The following CHRNE variants were observed in gnomAD, a reference collection of about 807,000 sequenced individuals.
CHRNE encodes the protein cholinergic receptor nicotinic epsilon subunit.
Under a neutral mutation model 56.5 loss-of-function variants are expected in CHRNE, and 58 were observed. The observed-to-expected ratio is 1.03, with a 90% confidence interval of 0.83 to 1.28. The LOEUF (loss-of-function observed/expected upper bound fraction) is 1.28, where lower values mean the gene tolerates loss of function less well. Ranked by LOEUF, CHRNE falls within the 50% of genes most tolerant of loss-of-function variation. CHRNE has a pLI of 0.00. For synonymous variants in CHRNE, 385 were observed against 297.9 expected, an observed-to-expected ratio of 1.29 and a Z score of -3.01; for missense variants, 793 against 688.9, an observed-to-expected ratio of 1.15 and a Z score of -1.69.
chr17:4,899,238 G>A lies in CHRNE; in HGVS notation c.1179C>T (p.Leu393=), dbSNP rs1159106476. 5.0e-6 allele frequency: 8 copies of A among 1,607,008 alleles called. No individual in the cohort carries two copies. The highest frequency in any genetic ancestry group is 1.3e-5 in the African/African-American group (1 of 74,898). ...GCCGGTGCCTCTGCCCCTCAAACAC[G>A]AGCTCGCTCCGTGGCTTTTTCAGTA... The part of the protein sequence containing the change: ...ELILKKPRSE[L]VFEGQRHRQG... The change falls in exon 10 of 12, where the codon CTC becomes CTT. Residue 393 remains leucine, a synonymous_variant. Transcript: ENST00000649488.
At chr17:4,906,702 A>C (rs1382846625), upstream of CHRNE, among the ~76,000 whole-genome samples, 1 of 152,140 alleles carries the variant, frequency 6.6e-6, no homozygotes, top group Non-Finnish European at 1.5e-5. Context: ...AAATAAATAA[A>C]ATTTTAAAAA....
intron 6 of CHRNE, 40 bp from the exon 7 acceptor site, chr17:4,901,230 G>A (rs1476909666): frequency 1.3e-6 from 2 of 1,586,868 alleles, no homozygotes; most frequent in East Asian, 2.2e-5. Flanking sequence ...GTCAGAGCGG[G>A]GCGCCCGCCG....
intron 11 of CHRNE, 45 bp downstream of exon 11, chr17:4,898,956 G>C: frequency 1.3e-6 from 2 of 1,558,706 alleles, no homozygotes; most frequent in South Asian, 1.2e-5. Context: ...GGGAGACAGT[G>C]GTGGGCCTCT....
chr17:4,904,821 T>C (rs547993183), upstream of CHRNE, among the ~76,000 whole-genome samples: 11 of 152,336 alleles, frequency 7.2e-5, no homozygotes, highest in Non-Finnish European at 1.5e-4. Flanking sequence ...ACACATCAAA[T>C]AACAGAGTGT....
In CHRNE at chr17:4,900,918, AG is replaced by A; in HGVS notation, c.803-12del. Reference sequence around the variant, plus strand: ...ATTTCTGGCCGCCGGCTGGAGGGAGAGCCAGTGAGAGCGGGCCCCGCCTCCC... The same window carrying A: ...ATTTCTGGCCGCCGGCTGGAGGGAGACCAGTGAGAGCGGGCCCCGCCTCCC... On this transcript the variant is annotated splice_polypyrimidine_tract_variant and intron_variant, in intron 7 of 11. Transcript: ENST00000649488. 1 of 1,614,050 alleles carries A rather than the reference AG, an allele frequency of 6.2e-7. No individual in the cohort carries two copies. Among genetic ancestry groups the A allele is most frequent in the Admixed American group, 1.7e-5 (1 of 60,022 alleles).
At chr17:4,903,609 C>A (rs943785936), upstream of CHRNE, among the ~76,000 whole-genome samples, 6 of 152,152 alleles carry the variant, frequency 3.9e-5, no homozygotes, top group Admixed American at 3.9e-4. Flanking sequence ...GGGATTAGCC[C>A]TGCGGTACAG....
rs761651772 is a variant in CHRNE at position 4,898,868 on chromosome 17, C to T, written c.1350G>A (p.Met450Ile). The T allele has an allele frequency of 1.5e-5, 23 of 1,585,712 alleles. No individual in the cohort carries two copies. In the Middle Eastern group the frequency reaches 6.6e-4, roughly 46 times the overall value. Reference protein sequence around the residue: ...TGEEVSDWVRMGNALDNICFW... With the variant: ...TGEEVSDWVRIGNALDNICFW... ...AGCAGATGTTGTCAAGGGCATTCCC[C>T]ATGCGCACCCAGTCGGACACTTCCT... Residue 450 changes from methionine to isoleucine, a missense_variant, in exon 12 of 12, where the codon ATG becomes ATA. Coordinates refer to ENST00000649488, the MANE Select transcript of CHRNE (RefSeq NM_000080.4).
At position 4,897,921 on chromosome 17, in the gene CHRNE, C is replaced by G. The variant is rs1311602893; in HGVS notation, c.*815G>C. ...CGGTGGAGGGAGGGAGCAGGGAGCC[C>G]TCACTCTCCACGCCCCTTGCTTGCA... On this transcript the variant is annotated 3_prime_UTR_variant, in exon 12 of 12. Transcript: ENST00000649488. 1.3e-5 allele frequency: 2 copies of G among 152,234 alleles called. No homozygotes were observed. The highest frequency in any genetic ancestry group is 2.9e-5 in the Non-Finnish European group (2 of 68,178). 9.4% of individuals were successfully genotyped at this position (152,234 alleles called of 1,614,324 possible).
At chr17:4,901,824 G>A in intron 5 of CHRNE, 108 bp downstream of exon 5, 3 of 1,510,826 alleles carry the variant, frequency 2.0e-6, no homozygotes, top group Non-Finnish European at 2.7e-6. Flanking sequence ...GCCTGGCTCC[G>A]CCTCCAGCGC....
rs1453842961 is a variant in CHRNE at position 4,899,582 on chromosome 17, C to A, written c.918G>T (p.Arg306Ser). 1.3e-6 allele frequency: 2 copies of A among 1,573,318 alleles called. No individual in the cohort carries two copies. Among genetic ancestry groups the A allele is most frequent in the Non-Finnish European group, 1.7e-6 (2 of 1,158,646 alleles). The part of the protein sequence containing the change: ...ETSLSVPLLG[R>S]FLIFVMVVAT... ...CGACCACCATGACGAAAATAAGGAACCTGAGGAGCCCGGAAGGCATGACAT... is the reference window on the plus strand; with the variant it reads ...CGACCACCATGACGAAAATAAGGAAACTGAGGAGCCCGGAAGGCATGACAT... The change falls in exon 9 of 12, where the codon AGG becomes AGT. Residue 306 changes from arginine (R) to serine (S), a missense_variant and splice_region_variant. Physicochemically the swap from Arg to Ser is moderately radical, Grantham distance 110 (BLOSUM62 -1). Transcript: ENST00000649488.
chr17:4,900,709 C>G (rs1481590631), intron 8 of CHRNE, 84 bp downstream of exon 8: 9 of 1,487,146 alleles, frequency 6.1e-6, no homozygotes, highest in Non-Finnish European at 8.3e-6. Flanking sequence ...GCGAGACAGC[C>G]AGAGCTTTTC....
rs1970027896 is a variant in CHRNE at position 4,902,581 on chromosome 17, G to A, written c.189+40C>T. ...CAGAGCTCAGCGGTTGGGGCCAGAA[G>A]TGGGATTTTTGGCTTAAGATGAGGG... is the stretch of plus-strand genomic sequence containing the variant. On this transcript the variant is annotated intron_variant, in intron 2 of 11. Coordinates refer to ENST00000649488, the MANE Select transcript of CHRNE (RefSeq NM_000080.4). The surrounding 1 kb of genome is among the most constrained non-coding windows in gnomAD (Gnocchi z 4.0). 3 of 1,614,210 alleles carry A rather than the reference G, an allele frequency of 1.9e-6. No homozygotes were observed. The East Asian group carries it at 6.7e-5, about 36-fold the overall frequency.
In CHRNE at chr17:4,901,788, G is replaced by T. The variant is rs111897419; in HGVS notation, c.500+144C>A. ...TGTTCCCATCTGTACCTCCGGCCGC[G>T]CTGGAGCGTCCCACCCAGTGCCTAC... On this transcript the variant is annotated intron_variant, in intron 5 of 11. Transcript: ENST00000649488. 128 of 1,331,426 alleles carry T rather than the reference G, an allele frequency of 9.6e-5. 2 individuals carry two copies. Among genetic ancestry groups the T allele is most frequent in the Middle Eastern group, 7.8e-4 (3 of 3,866 alleles). 82.5% of individuals were successfully genotyped at this position (1,331,426 alleles called of 1,614,324 possible). A position where few individuals can be genotyped will look rare whatever the true frequency, so the allele number is the denominator to read the frequency against.
At position 4,900,225 on chromosome 17, in the gene CHRNE, C is replaced by T. The variant is rs779731352; in HGVS notation, c.917+568G>A. On this transcript the variant is annotated intron_variant, in intron 8 of 11. Transcript: ENST00000649488. ...CTCTGCCTCCCCGCTAACCCCTGTG[C>T]CCCCAATGCAGATCTCAGCCCTGTG... 9 of 1,545,866 alleles carry T rather than the reference C, an allele frequency of 5.8e-6. No homozygotes were observed. In the African/African-American group the frequency reaches 1.1e-4, roughly 19 times the overall value.
rs558633663 is a variant in CHRNE, at chr17:4,899,361, G to A, written c.1056C>T (p.Arg352=). ...CGGGCGGCGGCGGGGAGCCCAGGAG[G>A]CGCGGCAGCAGCTCCAGGAGAACCT... The part of the protein sequence containing the change: ...LRHVLLELLP[R]LLGSPPPPEA... The change falls in exon 10 of 12, where the codon CGC becomes CGT. Residue 352 remains arginine (R), a synonymous_variant. Coordinates refer to ENST00000649488, the MANE Select transcript of CHRNE (RefSeq NM_000080.4). The A allele has an allele frequency of 2.1e-5, 32 of 1,535,776 alleles. No homozygotes were observed. Among genetic ancestry groups the A allele is most frequent in the Middle Eastern group, 3.9e-4 (2 of 5,086 alleles).
chr17:4,904,752 T>C (rs1970070418), upstream of CHRNE, among the ~76,000 whole-genome samples: 1 of 152,230 alleles, frequency 6.6e-6, no homozygotes, highest in Non-Finnish European at 1.5e-5. Context: ...CCATCACCTT[T>C]GGGTCTCCTT....
intron 8 of CHRNE, 55 bp from the exon 9 acceptor site, chr17:4,899,637 G>A (rs1969889136): frequency 1.4e-6 from 2 of 1,471,700 alleles, no homozygotes; most frequent in Non-Finnish European, 1.9e-6. Flanking sequence ...TACCGAAGGC[G>A]CCGCGCGCTG....
At chr17:4,900,414 T>G in intron 8 of CHRNE, 1 of 1,550,900 alleles carries the variant, frequency 6.4e-7, no homozygotes, top group South Asian at 1.2e-5. Flanking sequence ...CCAGGGAGCA[T>G]GGCTATGCCT....
rs1201716200 is a variant in CHRNE at position 4,898,682 on chromosome 17, T to G, written c.*54A>C. ...AATGCCGTGGTGGCGGCAGCCTACT[T>G]TTTCAAAATCAATTTCCTACTGGAG... is the stretch of plus-strand genomic sequence containing the variant. On this transcript the variant is annotated 3_prime_UTR_variant, in exon 12 of 12. Coordinates refer to ENST00000649488, the MANE Select transcript of CHRNE (RefSeq NM_000080.4). The G allele has an allele frequency of 1.3e-6, 2 of 1,579,324 alleles. No homozygotes were observed. Among genetic ancestry groups the G allele is most frequent in the Non-Finnish European group, 1.7e-6 (2 of 1,163,758 alleles).
Sources: gnomAD v4.1 joint callset for allele counts (sites outside exome capture counted in the v4.1 genomes callset) on GRCh38, gnomAD v4.1.1 for gene constraint, Gnocchi (gnomAD v3.1) non-coding constraint, MANE v1.5 for transcripts, NCBI Gene and HGNC (gene_info 2026-07-23, HGNC 2026-07-21) for gene names.